The following ANKRD1 variants were observed in gnomAD, a reference collection of about 807,000 sequenced individuals.
ANKRD1 encodes ankyrin repeat domain-containing protein 1.
A neutral mutation model predicts 40.1 loss-of-function variants in ANKRD1; 32 were observed. The ratio of observed to expected loss-of-function variants is 0.80; its 90% CI spans 0.60 to 1.07. ANKRD1 has a LOEUF of 1.07. ANKRD1 is among the 50% of genes least tolerant of loss of function. The pLI, the probability that ANKRD1 is intolerant of heterozygous loss-of-function variation, is 0.00. For missense variants in ANKRD1, 359 were observed against 386.0 expected (o/e 0.93, Z 0.59); for synonymous variants, 149 against 141.2 (o/e 1.06, Z -0.39).
Position 90,920,212 on chromosome 10 carries a change from A to C in ANKRD1, c.164T>G (p.Leu55Arg). 6.2e-7 allele frequency: 1 copy of C among 1,613,912 alleles called. No individual in the cohort carries two copies. Among genetic ancestry groups the C allele is most frequent in the Non-Finnish European group, 8.5e-7 (1 of 1,179,968 alleles). Residue 55 changes from leucine to arginine, a missense_variant, in exon 2 of 9, where the codon CTG becomes CGG. Transcript: ENST00000371697. ...LKTLLAHPVT[L>R]GEQQWKSEKQ... ...CTCGCTTTTCCACTGTTGCTCCCCCAGGGTCACAGGGTGGGCTAGAAGTGT... is the reference window on the plus strand; with the variant it reads ...CTCGCTTTTCCACTGTTGCTCCCCCCGGGTCACAGGGTGGGCTAGAAGTGT...
chr10:90,915,621 A>C lies in ANKRD1; in HGVS notation c.771T>G (p.His257Gln). Residue 257 changes from histidine to glutamine, a missense_variant, in exon 8 of 9, where the codon CAT (histidine) becomes CAG (glutamine). By Grantham distance (24) the His-to-Gln change is conservative (BLOSUM62 0). Coordinates refer to ENST00000371697, the MANE Select transcript of ANKRD1 (RefSeq NM_014391.3). ...AKDREGDTPL[H>Q]DAVRLNRYKM... Reference sequence around the variant, plus strand: ...TATAGCGGTTCAGTCTCACCGCATCATGCAACGGGGTATCTCCTTCCTAGA... The same window carrying C: ...TATAGCGGTTCAGTCTCACCGCATCCTGCAACGGGGTATCTCCTTCCTAGA... 3 of 1,614,054 alleles carry C rather than the reference A, an allele frequency of 1.9e-6. No individual in the cohort carries two copies. The highest frequency in any genetic ancestry group is 2.5e-6 in the Non-Finnish European group (3 of 1,180,002).
At chr10:90,919,320 T>G in intron 2 of ANKRD1, 52 bp from the exon 3 acceptor site, 4 of 1,521,066 alleles carry the variant, frequency 2.6e-6, no homozygotes, top group Non-Finnish European at 3.6e-6. Flanking sequence ...CTGACAAGCA[T>G]TCTGGTTGTG....
chr10:90,915,585 T>G lies in ANKRD1; in HGVS notation c.807A>C (p.Arg269=), dbSNP rs1268117405. 4 of 1,613,640 alleles carry G rather than the reference T, an allele frequency of 2.5e-6. No homozygotes were observed. The Admixed American group carries it at 6.7e-5, about 27-fold the overall frequency. Residue 269 remains arginine (R), a synonymous_variant, in exon 8 of 9, where the codon CGA becomes CGC. Transcript: ENST00000371697. The part of the protein sequence containing the change: ...AVRLNRYKMI[R]LLIMYGADLN... ...GATCCGCGCCATACATAATCAGGAG[T>G]CGGATCATCTTATAGCGGTTCAGTC...
rs867949780 is a variant in ANKRD1 at position 90,916,233 on chromosome 10, C to T, written c.589G>A (p.Gly197Arg). ...STAIHWASRG[G>R]NLDVLKLLLN... ...AACAATTTTAAAACATCCAGGTTTCCTCCACGGCTTGCCCAGTGGATGGCT... is the reference window on the plus strand; with the variant it reads ...AACAATTTTAAAACATCCAGGTTTCTTCCACGGCTTGCCCAGTGGATGGCT... The change falls in exon 6 of 9, where the codon GGA (glycine) becomes AGA (arginine). Residue 197 changes from glycine to arginine, a missense_variant. Coordinates refer to ENST00000371697, the MANE Select transcript of ANKRD1 (RefSeq NM_014391.3). 1 of 1,613,902 alleles carries T rather than the reference C, an allele frequency of 6.2e-7. No homozygotes were observed. The highest frequency in any genetic ancestry group is 8.5e-7 in the Non-Finnish European group (1 of 1,180,000).
chr10:90,912,604 C>G lies in ANKRD1; in HGVS notation c.*262G>C, dbSNP rs901043719. On this transcript the variant is annotated 3_prime_UTR_variant, in exon 9 of 9. Coordinates refer to ENST00000371697, the MANE Select transcript of ANKRD1 (RefSeq NM_014391.3). ...AGTGTTATATACAAATGAAGCTCTG[C>G]TCACCAGATGGATGATCATGAAGGT... The G allele has an allele frequency of 7.3e-6, 3 of 410,736 alleles. No homozygotes were observed. The highest frequency in any genetic ancestry group is 3.6e-5 in the Admixed American group (1 of 28,106). 25.4% of individuals were successfully genotyped at this position (410,736 alleles called of 1,614,324 possible).
chr10:90,915,971 A>T, intron 6 of ANKRD1, 91 bp from the exon 7 acceptor site: 1 of 1,311,782 alleles, frequency 7.6e-7, no homozygotes, highest in Non-Finnish European at 1.1e-6. Flanking sequence ...AGAAGTGGTC[A>T]CTAGGGTGCC....
chr10:90,918,423 C>A (rs976200889), intron 4 of ANKRD1, among the ~76,000 whole-genome samples: 2 of 151,868 alleles, frequency 1.3e-5, no homozygotes, highest in Admixed American at 1.3e-4. Context: ...AAACCACAGC[C>A]CAGAGGATGC....
rs1336061971 is a variant in ANKRD1 at position 90,917,738 on chromosome 10, A to G, written c.546T>C (p.Arg182=). The change falls in exon 5 of 9, where the codon CGT becomes CGC. Residue 182 remains arginine (R), a synonymous_variant. Transcript: ENST00000371697. The stretch of plus-strand genomic sequence containing the variant: ...AGCAAAGAAATATATTTACCATATC[A>G]CGGAATTCGATCTGGGCTCCAGCTT... The part of the protein sequence containing the change: ...LMEAGAQIEF[R]DMLESTAIHW... 6.2e-7 allele frequency: 1 copy of G among 1,613,578 alleles called. No homozygotes were observed. The highest frequency in any genetic ancestry group is 1.7e-5 in the Admixed American group (1 of 60,020).
intron 2 of ANKRD1, among the ~76,000 whole-genome samples, chr10:90,919,725 G>A (rs1847414103): frequency 6.6e-6 from 1 of 152,188 alleles, no homozygotes; most frequent in African/African-American, 2.4e-5. Flanking sequence ...AGACTGTCCA[G>A]GGACCACAGC....
At chr10:90,917,549 G>C (rs1461569394) in intron 5 of ANKRD1, among the ~76,000 whole-genome samples, 183 bp downstream of exon 5, 1 of 152,114 alleles carries the variant, frequency 6.6e-6, no homozygotes, top group Non-Finnish European at 1.5e-5. Context: ...AGTATGTATG[G>C]AAAATATTTT....
chr10:90,919,834 A>G (rs976980244), intron 2 of ANKRD1, among the ~76,000 whole-genome samples: 7 of 152,256 alleles, frequency 4.6e-5, no homozygotes, highest in East Asian at 1.9e-4. Context: ...ACAATGATCT[A>G]TGGACCACAG....
At position 90,919,286 on chromosome 10, in the gene ANKRD1, A is replaced by T. The variant is rs1223059727; in HGVS notation, c.208-18T>A. 1 of 1,593,068 alleles carries T rather than the reference A, an allele frequency of 6.3e-7. No homozygotes were observed. Among genetic ancestry groups the T allele is most frequent in the Non-Finnish European group, 8.5e-7 (1 of 1,171,990 alleles). ...TTTTTGAGCTAAAAAAGAAATTCGT[A>T]TTTCAAAAATATGGTGAGTTCTACT... On this transcript the variant is annotated intron_variant, in intron 2 of 8. Transcript: ENST00000371697.
In ANKRD1 at chr10:90,915,766, G is replaced by A. The variant is rs753441269; in HGVS notation, c.750+16C>T. On this transcript the variant is annotated intron_variant, in intron 7 of 8. Coordinates refer to ENST00000371697, the MANE Select transcript of ANKRD1 (RefSeq NM_014391.3). ...CAATGAAGCTTTGGGAAACCCGAGC[G>A]TGTCCAGCTACTCACTCTGTCTTTG... 2 of 1,613,606 alleles carry A rather than the reference G, an allele frequency of 1.2e-6. No homozygotes were observed. The highest frequency in any genetic ancestry group is 8.5e-7 in the Non-Finnish European group (1 of 1,179,768).
chr10:90,919,134 G>T lies in ANKRD1; in HGVS notation c.342C>A (p.Ile114=). 6.2e-7 allele frequency: 1 copy of T among 1,612,708 alleles called. No individual in the cohort carries two copies. Among genetic ancestry groups the T allele is most frequent in the Non-Finnish European group, 8.5e-7 (1 of 1,179,746 alleles). The part of the protein sequence containing the change: ...VPVVKEPEPE[I]ITEPVDVPTF... ...AAACCAAAAAAAAAGCCCTTACAAT[G>T]ATTTCAGGTTCTGGTTCCTTTACAA... The change falls in exon 3 of 9, where the codon ATC becomes ATA. Residue 114 remains isoleucine (I), a synonymous_variant. Coordinates refer to ENST00000371697, the MANE Select transcript of ANKRD1 (RefSeq NM_014391.3).
chr10:90,915,950 G>A (rs552123265), intron 6 of ANKRD1, 70 bp from the exon 7 acceptor site: 10 of 1,487,712 alleles, frequency 6.7e-6, no homozygotes, highest in Non-Finnish European at 9.2e-6. Flanking sequence ...CCCAAGACAT[G>A]TGCGAGGGGG....
Position 90,915,539 on chromosome 10 carries a change from T to A in ANKRD1, c.849+4A>T. 1 of 1,612,734 alleles carries A rather than the reference T, an allele frequency of 6.2e-7. No homozygotes were observed. Among genetic ancestry groups the A allele is most frequent in the South Asian group, 1.1e-5 (1 of 91,032 alleles). ...AAGCGGTGTTTCTTGTTTCCAGTAC[T>A]TACACAGTTCTTGATGTTGAGATCC... On this transcript the variant is annotated splice_donor_region_variant and intron_variant, in intron 8 of 8. Transcript: ENST00000371697.
intron 8 of ANKRD1, among the ~76,000 whole-genome samples, chr10:90,915,188 T>G (rs1452624757): frequency 6.6e-6 from 1 of 152,270 alleles, no homozygotes; most frequent in Non-Finnish European, 1.5e-5. Flanking sequence ...CCTTTATTTC[T>G]AACTTCCTCA....
chr10:90,916,903 TC>T (rs1847379447), intron 5 of ANKRD1, among the ~76,000 whole-genome samples: 1 of 152,034 alleles, frequency 6.6e-6, no homozygotes, highest in Non-Finnish European at 1.5e-5. Flanking sequence ...CCTCTGTACC[TC>T]AACTGTAGTC....
intron 4 of ANKRD1, among the ~76,000 whole-genome samples, chr10:90,918,301 A>G (rs903560505): frequency 6.6e-6 from 1 of 152,198 alleles, no homozygotes; most frequent in Non-Finnish European, 1.5e-5. Context: ...AGAATACAAA[A>G]AGATTAGTGA....
Sources: allele counts gnomAD v4.1 joint callset (sites outside exome capture counted in the v4.1 genomes callset), GRCh38; gene constraint gnomAD v4.1.1; transcripts MANE v1.5; gene names NCBI Gene and HGNC (gene_info 2026-07-23, HGNC 2026-07-21).